The following OSBPL1A variants were observed in gnomAD, a reference collection of about 807,000 sequenced individuals.
OSBPL1A encodes oxysterol-binding protein-related protein 1.
In OSBPL1A, 80 loss-of-function variants were observed where a neutral mutation model predicts 137.1. That is an observed-to-expected ratio of 0.58 (90% CI 0.49 to 0.70). The LOEUF (loss-of-function observed/expected upper bound fraction) is 0.70, where lower values mean the gene tolerates loss of function less well. Ranked by LOEUF, OSBPL1A falls within the 30% of genes least tolerant of loss-of-function variation. OSBPL1A has a pLI of 0.00. For missense variants in OSBPL1A, 970 were observed against 1,129.4 expected (o/e 0.86, Z 2.02); for synonymous variants, 365 against 389.7 (o/e 0.94, Z 0.75).
intron 7 of OSBPL1A, chr18:24,321,868 T>TG: frequency 2.8e-6 from 1 of 357,380 alleles, no homozygotes; most frequent in Non-Finnish European, 5.4e-6. Context: ...AGGAGGGTGA[T>TG]GGGTACATCA....
intron 4 of OSBPL1A, among the ~76,000 whole-genome samples, chr18:24,353,685 T>C (rs911921931): frequency 3.3e-5 from 5 of 151,032 alleles, no homozygotes; most frequent in Admixed American, 3.3e-4. Flanking sequence ...CCAACAATGA[T>C]AGACTGGATT....
At chr18:24,299,256 C>T (rs775350075) in intron 14 of OSBPL1A, among the ~76,000 whole-genome samples, 50 of 151,982 alleles carry the variant, frequency 3.3e-4, no homozygotes, top group Non-Finnish European at 5.3e-4. Context: ...ATGTGAGGTA[C>T]TGTTGTATTC....
At chr18:24,243,794 T>G (rs560620187) in intron 15 of OSBPL1A, among the ~76,000 whole-genome samples, 20 of 152,358 alleles carry the variant, frequency 1.3e-4, no homozygotes, top group Middle Eastern at 3.4e-3. Flanking sequence ...TAACAGGATT[T>G]TCTGCACTGA....
At chr18:24,227,941 AAG>A (rs1484535013) in intron 16 of OSBPL1A, among the ~76,000 whole-genome samples, 1 of 152,220 alleles carries the variant, frequency 6.6e-6, no homozygotes, top group Non-Finnish European at 1.5e-5. Context: ...TTTGCAATTT[AAG>A]AGACATCAAT....
At chr18:24,374,870 G>A (rs1306902936) in intron 2 of OSBPL1A, among the ~76,000 whole-genome samples, 1 of 152,098 alleles carries the variant, frequency 6.6e-6, no homozygotes, top group Non-Finnish European at 1.5e-5. Context: ...AGGAAGACAA[G>A]GGTGGCTGAG....
intron 5 of OSBPL1A, among the ~76,000 whole-genome samples, chr18:24,340,829 A>G (rs1421089239): frequency 6.6e-6 from 1 of 152,150 alleles, no homozygotes. Context: ...AGTGACTCCC[A>G]AAAGCAACAC....
chr18:24,369,506 A>G (rs983557083), intron 2 of OSBPL1A, among the ~76,000 whole-genome samples: 23 of 152,210 alleles, frequency 1.5e-4, no homozygotes, highest in Non-Finnish European at 1.5e-5. Flanking sequence ...CTGCAGGGAA[A>G]GAGCGATGGT....
intron 1 of OSBPL1A, among the ~76,000 whole-genome samples, chr18:24,395,059 A>G (rs1207984878): frequency 3.9e-5 from 6 of 152,232 alleles, no homozygotes; most frequent in Non-Finnish European, 5.9e-5. Flanking sequence ...ACAATCATAA[A>G]TATACATACA....
Position 24,166,714 on chromosome 18 carries a change from C to G in OSBPL1A, c.2536-12G>C, listed in dbSNP as rs1418079637. 6.2e-7 allele frequency: 1 copy of G among 1,601,712 alleles called. No individual in the cohort carries two copies. ...GTAAAATTATACATCTGAAAAGAAG[C>G]AAAAGGAAGAAATTAAAATATGCCA... On this transcript the variant is annotated splice_polypyrimidine_tract_variant and intron_variant, in intron 25 of 27. Coordinates refer to ENST00000319481, the MANE Select transcript of OSBPL1A (RefSeq NM_080597.4).
chr18:24,195,923 C>G, intron 18 of OSBPL1A: 1 of 484,298 alleles, frequency 2.1e-6, no homozygotes, highest in Non-Finnish European at 3.7e-6. Context: ...TTTTTTACAT[C>G]AAAAATGCAC....
chr18:24,373,476 GCAAGACAGGAC>G (rs1905837268), intron 2 of OSBPL1A, among the ~76,000 whole-genome samples: 1 of 152,136 alleles, frequency 6.6e-6, no homozygotes, highest in South Asian at 2.1e-4. Context: ...ACTCACACAA[GCAAGACAGGAC>G]CATGAACACA....
chr18:24,312,678 G>A (rs1056551052), intron 12 of OSBPL1A, among the ~76,000 whole-genome samples: 2 of 152,086 alleles, frequency 1.3e-5, no homozygotes, highest in Admixed American at 6.6e-5. Context: ...TATACTCAGG[G>A]TCAAATCTTA....
intron 1 of OSBPL1A, among the ~76,000 whole-genome samples, chr18:24,392,098 T>C (rs1907398726): frequency 6.6e-6 from 1 of 152,122 alleles, no homozygotes; most frequent in South Asian, 2.1e-4. Flanking sequence ...TCAAGCGATC[T>C]GTCCACCTCA....
chr18:24,313,542 C>G (rs752909765), intron 12 of OSBPL1A, among the ~76,000 whole-genome samples: 1 of 152,114 alleles, frequency 6.6e-6, no homozygotes, highest in Non-Finnish European at 1.5e-5. Context: ...AAGGCTGAGT[C>G]TCCATTGTAA....
At chr18:24,394,856 C>G (rs1568074598) in intron 1 of OSBPL1A, among the ~76,000 whole-genome samples, 1 of 152,098 alleles carries the variant, frequency 6.6e-6, no homozygotes, top group Non-Finnish European at 1.5e-5. Flanking sequence ...TACTTGCAGG[C>G]TGATAAATAA....
rs776039618 is a variant in OSBPL1A, at chr18:24,317,196, T to C, written c.823A>G (p.Asn275Asp). 2.5e-6 allele frequency: 4 copies of C among 1,613,928 alleles called. No homozygotes were observed. Among genetic ancestry groups the C allele is most frequent in the Non-Finnish European group, 3.4e-6 (4 of 1,179,948 alleles). The change falls in exon 11 of 28, where the codon AAT becomes GAT. Residue 275 changes from asparagine to aspartate, a missense_variant. Around this residue, in one of 2 missense-constraint regions of OSBPL1A, gnomAD observed 647 missense variants for 672.6 expected, o/e 0.96. Transcript: ENST00000319481. ...WYRKQPDAVH[N>D]IYRQGCKHLT... ...TGTTTGCATCCCTGGCGATAAATATTATGAACTGCATCAGGCCTTCAAAAT... is the reference window on the plus strand; with the variant it reads ...TGTTTGCATCCCTGGCGATAAATATCATGAACTGCATCAGGCCTTCAAAAT...
intron 5 of OSBPL1A, among the ~76,000 whole-genome samples, chr18:24,339,151 T>C (rs1157355385): frequency 1.3e-5 from 2 of 152,208 alleles, no homozygotes; most frequent in South Asian, 2.1e-4. Flanking sequence ...TTTGTATTTT[T>C]AGTAGAGATG....
intron 15 of OSBPL1A, among the ~76,000 whole-genome samples, chr18:24,256,762 T>G (rs1200187569): frequency 6.6e-6 from 1 of 152,044 alleles, no homozygotes; most frequent in Admixed American, 6.6e-5. Context: ...TTCAGTAAAG[T>G]TGCAGGATAC....
chr18:24,327,659 T>G lies in OSBPL1A; in HGVS notation c.625+5283A>C, dbSNP rs28725372. 6.6e-3 allele frequency among the ~76,000 whole-genome samples: 1,009 copies of G among 152,238 alleles called. 17 individuals carry two copies. Among genetic ancestry groups the G allele is most frequent in the African/African-American group, 0.023 (945 of 41,540 alleles). On this transcript the variant is annotated intron_variant, in intron 7 of 27. Coordinates refer to ENST00000319481, the MANE Select transcript of OSBPL1A (RefSeq NM_080597.4). ...CCTGACCTCAAATTATCCGCCTGCC[T>G]CAGCCTCCCAAAGTACTGGGATTAC...
Sources: gnomAD v4.1 joint callset for allele counts (sites outside exome capture counted in the v4.1 genomes callset) on GRCh38, gnomAD v4.1.1 for gene constraint, gnomAD v4.1.1 regional missense constraint, MANE v1.5 for transcripts, NCBI Gene and HGNC (gene_info 2026-07-23, HGNC 2026-07-21) for gene names.